SEC14L5: variants seen among roughly 807,000 people sequenced by gnomAD.
SEC14L5 encodes SEC14 like lipid binding 5.
A neutral mutation model predicts 84.6 loss-of-function variants in SEC14L5; 96 were observed. The observed-to-expected ratio is 1.13, with a 90% CI of 0.96 to 1.34. SEC14L5 has a LOEUF of 1.34. SEC14L5 is among the 40% of genes most tolerant of loss of function. The pLI is 0.00. For synonymous variants in SEC14L5, 546 were observed against 383.4 expected, an observed-to-expected ratio of 1.42 and a Z score of -4.95; for missense variants, 1,224 against 942.5, an observed-to-expected ratio of 1.30 and a Z score of -3.91.
chr16:5,001,912 A>G (rs1163908757), intron 10 of SEC14L5, among the ~76,000 whole-genome samples: 3 of 152,102 alleles, frequency 2.0e-5, no homozygotes, highest in South Asian at 2.1e-4. Flanking sequence ...AGCGGGGACT[A>G]TAAATGTGCA....
At chr16:4,973,748 T>A (rs541050991) in intron 2 of SEC14L5, among the ~76,000 whole-genome samples, 38 of 147,584 alleles carry the variant, frequency 2.6e-4, no homozygotes, top group Admixed American at 4.1e-4. Flanking sequence ...AGTGAGGCAA[T>A]CTCAGCTCAC....
At chr16:4,972,121 T>G (rs1054431019) in intron 2 of SEC14L5, among the ~76,000 whole-genome samples, 10 of 151,878 alleles carry the variant, frequency 6.6e-5, no homozygotes, top group African/African-American at 2.4e-4. Context: ...TTCTCCCACC[T>G]CAGCTACCTG....
chr16:4,975,618 T>C (rs192189257), intron 2 of SEC14L5, among the ~76,000 whole-genome samples: 1 of 152,300 alleles, frequency 6.6e-6, no homozygotes, highest in African/African-American at 2.4e-5. Flanking sequence ...TTGTGAATTG[T>C]GCTGCTATAA....
In SEC14L5 at chr16:4,987,596, G is replaced by T; in HGVS notation, c.103G>T (p.Val35Phe). Residue 35 changes from valine to phenylalanine, a missense_variant, in exon 3 of 16, where the codon GTC becomes TTC. Transcript: ENST00000251170. ...KRFPTCPQIP[V>F]FLGSEVLRES... ...TTTCCCCACGTGCCCACAGATCCCAGTCTTCCTGGGCAGCGAGGTCTTGCG... is the reference window on the plus strand; with the variant it reads ...TTTCCCCACGTGCCCACAGATCCCATTCTTCCTGGGCAGCGAGGTCTTGCG... 6.4e-7 allele frequency: 1 copy of T among 1,561,608 alleles called. No homozygotes were observed. Among genetic ancestry groups the T allele is most frequent in the Non-Finnish European group, 8.7e-7 (1 of 1,153,982 alleles).
At chr16:4,981,209 C>T (rs555447994) in intron 2 of SEC14L5, among the ~76,000 whole-genome samples, 2 of 150,064 alleles carry the variant, frequency 1.3e-5, no homozygotes, top group East Asian at 1.9e-4. Context: ...CTCTGCCTCC[C>T]TAGTAGCTGG....
intron 2 of SEC14L5, among the ~76,000 whole-genome samples, chr16:4,979,840 A>G (rs1395936083): frequency 6.6e-6 from 1 of 152,112 alleles, no homozygotes; most frequent in Admixed American, 6.5e-5. Context: ...CTTCTCTGCC[A>G]TCCAGGGAGG....
chr16:5,015,000 C>A lies in SEC14L5; in HGVS notation c.*30C>A, dbSNP rs544391160. 3.9e-6 allele frequency: 6 copies of A among 1,524,744 alleles called. No homozygotes were observed. Among genetic ancestry groups the A allele is most frequent in the Non-Finnish European group, 5.4e-6 (6 of 1,107,000 alleles). The allele number at this position is 1,524,744 out of a possible 1,614,324, so 94.5% of individuals were successfully genotyped here. A position where few individuals can be genotyped will look rare whatever the true frequency, so the allele number is the denominator to read the frequency against. ...GCCCAGTGTTTCAGGGCCGCCCGCT[C>A]GCCTCCAGTGTCCAGAAATGTCCAG... On this transcript the variant is annotated 3_prime_UTR_variant, in exon 16 of 16. Coordinates refer to ENST00000251170, the MANE Select transcript of SEC14L5 (RefSeq NM_014692.2).
At chr16:4,977,694 A>C (rs1051022783) in intron 2 of SEC14L5, among the ~76,000 whole-genome samples, 1 of 152,062 alleles carries the variant, frequency 6.6e-6, no homozygotes, top group Non-Finnish European at 1.5e-5. Flanking sequence ...TCCTGCGAAG[A>C]GAGGTGCTCT....
At chr16:5,003,237 C>T (rs1294325834) in intron 10 of SEC14L5, among the ~76,000 whole-genome samples, 165 bp from the exon 11 acceptor site, 1 of 152,246 alleles carries the variant, frequency 6.6e-6, no homozygotes, top group African/African-American at 2.4e-5. Context: ...CCCTGAAGTC[C>T]ACAGTCTGAT....
chr16:5,013,718 C>A (rs557118100), intron 15 of SEC14L5, among the ~76,000 whole-genome samples: 13 of 152,078 alleles, frequency 8.5e-5, no homozygotes. Context: ...ACCACCACCC[C>A]TGGCTAATTT....
At chr16:4,988,467 G>A (rs949846641) in intron 4 of SEC14L5, among the ~76,000 whole-genome samples, 187 bp downstream of exon 4, 2 of 152,158 alleles carry the variant, frequency 1.3e-5, no homozygotes, top group Non-Finnish European at 2.9e-5. Flanking sequence ...AATTTTTTTA[G>A]TATGTCTCAA....
At chr16:4,991,777 T>C (rs2972265) in intron 5 of SEC14L5, 61 bp from the exon 6 acceptor site, 876,329 of 1,213,492 alleles carry the variant, frequency 0.72, 318,284 homozygotes, top group African/African-American at 0.83. Flanking sequence ...CCTGTGGTGA[T>C]CCTGTGACCC....
chr16:4,964,341 C>T (rs1038578078), intron 2 of SEC14L5, among the ~76,000 whole-genome samples: 1 of 152,102 alleles, frequency 6.6e-6, no homozygotes, highest in African/African-American at 2.4e-5. Flanking sequence ...GTAATCCCAG[C>T]ACTTTGGGAG....
intron 2 of SEC14L5, among the ~76,000 whole-genome samples, chr16:4,977,914 C>T (rs896708386): frequency 6.6e-6 from 1 of 151,170 alleles, no homozygotes; most frequent in Non-Finnish European, 1.5e-5. Context: ...AATTCTCATG[C>T]CTCAGCCTCC....
chr16:4,979,562 C>T (rs372803555), intron 2 of SEC14L5, among the ~76,000 whole-genome samples: 9 of 152,266 alleles, frequency 5.9e-5, no homozygotes, highest in East Asian at 5.8e-4. Context: ...TGGTACTCAT[C>T]GGCACCTTTT....
intron 2 of SEC14L5, among the ~76,000 whole-genome samples, chr16:4,976,030 G>C (rs958977467): frequency 6.6e-6 from 1 of 152,054 alleles, no homozygotes; most frequent in Non-Finnish European, 1.5e-5. Flanking sequence ...GAGGGGAGGA[G>C]GGATCATCTG....
In SEC14L5 at chr16:4,987,549, G is replaced by C; in HGVS notation, c.64-8G>C. The C allele has an allele frequency of 6.5e-7, 1 of 1,544,470 alleles. No homozygotes were observed. The highest frequency in any genetic ancestry group is 2.5e-5 in the East Asian group (1 of 39,728). ...CACCACGGCCGCTCACTGCCGCTCT[G>C]CCCCCAGGCCTACGAGAAGCGTTTC... On this transcript the variant is annotated splice_polypyrimidine_tract_variant and splice_region_variant and intron_variant, in intron 2 of 15. Transcript: ENST00000251170.
At position 5,003,417 on chromosome 16, in the gene SEC14L5, G is replaced by C; in HGVS notation, c.1146G>C (p.Leu382=). ...TCTGCCACAGCTCCTGGACCTGCCT[G>C]CTAGACCTGGAGGGACTCAACATGC... ...LGRPISSWTC[L]LDLEGLNMRH... The change falls in exon 11 of 16, where the codon CTG becomes CTC. Residue 382 remains leucine (L), a synonymous_variant. Coordinates refer to ENST00000251170, the MANE Select transcript of SEC14L5 (RefSeq NM_014692.2). 1 of 1,613,118 alleles carries C rather than the reference G, an allele frequency of 6.2e-7. No individual in the cohort carries two copies. Among genetic ancestry groups the C allele is most frequent in the Non-Finnish European group, 8.5e-7 (1 of 1,179,752 alleles).
intron 2 of SEC14L5, among the ~76,000 whole-genome samples, chr16:4,976,466 T>C (rs1955341254): frequency 6.6e-6 from 1 of 152,228 alleles, no homozygotes; most frequent in Admixed American, 6.5e-5. Context: ...GTAGTTGTGA[T>C]GTATGAAGCA....
Sources: allele counts gnomAD v4.1 joint callset (sites outside exome capture counted in the v4.1 genomes callset), GRCh38; gene constraint gnomAD v4.1.1; transcripts MANE v1.5; gene names NCBI Gene and HGNC (gene_info 2026-07-23, HGNC 2026-07-21).